Variants in FNDC7 observed in about 807,000 individuals in gnomAD.
FNDC7 encodes fibronectin type III domain-containing protein 7.
A neutral mutation model predicts 74.2 loss-of-function variants in FNDC7; 66 were observed. The ratio of observed to expected loss-of-function variants is 0.89; its 90% CI spans 0.73 to 1.09. The LOEUF is 1.09. FNDC7 is among the 50% of genes least tolerant of loss of function. The pLI, the probability that FNDC7 is intolerant of heterozygous loss-of-function variation, is 0.00. For missense variants in FNDC7, 829 were observed against 893.4 expected, an observed-to-expected ratio of 0.93 and a Z score of 0.92; for synonymous variants, 307 against 330.2, an observed-to-expected ratio of 0.93 and a Z score of 0.76.
At chr1:108,719,929 T>C (rs532457616) in intron 4 of FNDC7, among the ~76,000 whole-genome samples, 87 of 152,316 alleles carry the variant, frequency 5.7e-4, no homozygotes, top group African/African-American at 1.9e-3. Flanking sequence ...AGAAATGTTC[T>C]CTCCAACTTT....
At chr1:108,729,593 T>A (rs1661299355) in intron 8 of FNDC7, among the ~76,000 whole-genome samples, 1 of 150,196 alleles carries the variant, frequency 6.7e-6, no homozygotes, top group Non-Finnish European at 1.5e-5. Flanking sequence ...TCCTGATAGG[T>A]AAAAGGGAGA....
At chr1:108,728,186 G>C (rs1661262337) in intron 7 of FNDC7, 121 bp downstream of exon 7, 1 of 1,196,534 alleles carries the variant, frequency 8.4e-7, no homozygotes, top group Admixed American at 2.1e-5. Flanking sequence ...AATCTTTGTG[G>C]AGACCAAGAG....
rs1661036884 is a variant in FNDC7 at position 108,719,000 on chromosome 1, G to T, written c.549G>T (p.Trp183Cys). Residue 183 changes from tryptophan to cysteine, a missense_variant, in exon 4 of 13, where the codon TGG (tryptophan) becomes TGT (cysteine). Coordinates refer to ENST00000370017, the MANE Select transcript of FNDC7 (RefSeq NM_001144937.3). ...GTLYTIKAYA[W>C]NANRIPGDDS... ...TCTACACCATAAAGGCCTATGCATG[G>T]AATGCCAACAGAATCCCTGGGGATG... 6.4e-7 allele frequency: 1 copy of T among 1,552,168 alleles called. No homozygotes were observed. The highest frequency in any genetic ancestry group is 8.7e-7 in the Non-Finnish European group (1 of 1,147,110).
chr1:108,728,147 A>C, intron 7 of FNDC7, 82 bp downstream of exon 7: 1 of 1,503,346 alleles, frequency 6.7e-7, no homozygotes, highest in Non-Finnish European at 9.1e-7. Flanking sequence ...ATTCAGTGAG[A>C]CCAATAAAAA....
rs368779561 is a variant in FNDC7, at chr1:108,713,595, C to T, written c.82+66C>T. ...GATTTTAATTTCCATTGTTAATTCA[C>T]GGGCTACCCTGAAATCTAAAGGCTA... is the stretch of plus-strand genomic sequence containing the variant. On this transcript the variant is annotated intron_variant, in intron 2 of 12. Coordinates refer to ENST00000370017, the MANE Select transcript of FNDC7 (RefSeq NM_001144937.3). 68 of 1,374,530 alleles carry T rather than the reference C, an allele frequency of 4.9e-5. 1 individual carries two copies. Among genetic ancestry groups the T allele is most frequent in the South Asian group, 2.5e-4 (19 of 75,488 alleles). The allele number at this position is 1,374,530 out of a possible 1,614,324, so 85.1% of individuals were successfully genotyped here. A position where few individuals can be genotyped will look rare whatever the true frequency, so the allele number is the denominator to read the frequency against.
chr1:108,727,671 C>A, intron 6 of FNDC7, 137 bp from the exon 7 acceptor site: 2 of 1,032,618 alleles, frequency 1.9e-6, no homozygotes, highest in Non-Finnish European at 2.9e-6. Context: ...TGGACCTTGA[C>A]AGACCCATAG....
In FNDC7 at chr1:108,727,705, GGGCAGT is replaced by G; in HGVS notation, c.1112-97_1112-92del. On this transcript the variant is annotated intron_variant, in intron 6 of 12. Coordinates refer to ENST00000370017, the MANE Select transcript of FNDC7 (RefSeq NM_001144937.3). ...AGGGAGTCACTGTAGTCATCAGGGA[GGGCAGT>G]GGCAGAGGCTCTGGGCATGGGAGGT... is the stretch of plus-strand genomic sequence containing the variant. 13 of 1,388,166 alleles carry G rather than the reference GGGCAGT, an allele frequency of 9.4e-6. No individual in the cohort carries two copies. In the South Asian group the frequency reaches 1.7e-4, roughly 18 times the overall value. 86.0% of individuals were successfully genotyped at this position (1,388,166 alleles called of 1,614,324 possible).
At position 108,730,681 on chromosome 1, in the gene FNDC7, C is replaced by A; in HGVS notation, c.1632C>A (p.Cys544Ter). 6.4e-7 allele frequency: 1 copy of A among 1,551,608 alleles called. No individual in the cohort carries two copies. The highest frequency in any genetic ancestry group is 8.7e-7 in the Non-Finnish European group (1 of 1,145,616). Reference protein sequence around the residue: ...SYSVPLETVPCCPTGLTVTQI... With the variant: ...SYSVPLETVP ...TCTTTTATCCCATTTAAGTGCCATG[C>A]TGTCCAACCGGTCTGACAGTAACTC... Residue 544 changes from cysteine to a stop codon, truncating the protein, a stop_gained, in exon 9 of 13, where the codon TGC (cysteine) becomes TGA (stop). Transcript: ENST00000370017. LOFTEE classifies it high-confidence loss of function.
chr1:108,736,963 CTTT>C (rs1173562405), intron 10 of FNDC7, among the ~76,000 whole-genome samples: 1 of 99,406 alleles, frequency 1.0e-5, no homozygotes, highest in Non-Finnish European at 1.9e-5. Flanking sequence ...GCTTGGCATT[CTTT>C]TTTTTTTTTT....
chr1:108,730,521 A>T (rs1235903589), intron 8 of FNDC7, among the ~76,000 whole-genome samples, 153 bp from the exon 9 acceptor site: 1 of 152,222 alleles, frequency 6.6e-6, no homozygotes, highest in African/African-American at 2.4e-5. Flanking sequence ...CATCAGAGGG[A>T]ATGAACAAAA....
Position 108,722,433 on chromosome 1 carries a change from G to A in FNDC7, c.697G>A (p.Val233Met). ...GGCAGAAGGAGCTTTCAATTATACT[G>A]TGATGGCTTTGAGCGACTCTTCAGA... ...ARAEGAFNYT[V>M]MALSDSSELT... The change falls in exon 5 of 13, where the codon GTG (valine) becomes ATG (methionine). Residue 233 changes from valine (V) to methionine (M), a missense_variant. Physicochemically the swap from Val to Met is conservative, Grantham distance 21 (BLOSUM62 1). Transcript: ENST00000370017. 1 of 1,614,246 alleles carries A rather than the reference G, an allele frequency of 6.2e-7. No individual in the cohort carries two copies. The highest frequency in any genetic ancestry group is 8.5e-7 in the Non-Finnish European group (1 of 1,180,034).
intron 4 of FNDC7, among the ~76,000 whole-genome samples, chr1:108,721,661 C>T (rs531811433): frequency 6.6e-6 from 1 of 152,164 alleles, no homozygotes; most frequent in Non-Finnish European, 1.5e-5. Flanking sequence ...TTTTTTAATG[C>T]GGTAACTCTT....
At position 108,727,955 on chromosome 1, in the gene FNDC7, C is replaced by T. The variant is rs143602903; in HGVS notation, c.1259C>T (p.Ala420Val). ...NMVECNDTTP[A>V]CTLSALECDT... Reference sequence around the variant, plus strand: ...GTTGAGTGCAATGACACTACTCCTGCGTGCACCCTTTCGGCTCTAGAGTGT... The same window carrying T: ...GTTGAGTGCAATGACACTACTCCTGTGTGCACCCTTTCGGCTCTAGAGTGT... The change falls in exon 7 of 13, where the codon GCG becomes GTG. Residue 420 changes from alanine (A) to valine (V), a missense_variant. Coordinates refer to ENST00000370017, the MANE Select transcript of FNDC7 (RefSeq NM_001144937.3). The T allele has an allele frequency of 2.9e-5, 47 of 1,614,032 alleles. No individual in the cohort carries two copies. The highest frequency in any genetic ancestry group is 2.0e-4 in the Admixed American group (12 of 60,010).
At chr1:108,717,678 A>G in intron 2 of FNDC7, 99 bp from the exon 3 acceptor site, 1 of 1,280,742 alleles carries the variant, frequency 7.8e-7, no homozygotes, top group Non-Finnish European at 1.1e-6. Flanking sequence ...TTCTGTCTGA[A>G]GGAAGGCATG....
intron 11 of FNDC7, among the ~76,000 whole-genome samples, chr1:108,738,046 G>A (rs891630507): frequency 6.6e-6 from 1 of 152,190 alleles, no homozygotes; most frequent in South Asian, 2.1e-4. Context: ...CTGGGGCCTC[G>A]TTAAAGCCAG....
intron 11 of FNDC7, among the ~76,000 whole-genome samples, chr1:108,741,333 C>T (rs1033434876): frequency 6.6e-6 from 1 of 152,260 alleles, no homozygotes; most frequent in South Asian, 2.1e-4. Context: ...TAGGACCCAA[C>T]ATGTTTCAGT....
At position 108,718,954 on chromosome 1, in the gene FNDC7, C is replaced by G; in HGVS notation, c.503C>G (p.Thr168Ser). ...ACTACAAACACCTCCTTGACATTCA[C>G]CAGTTTAGAAGCCGGAACTCTCTAC... Reference protein sequence around the residue: ...ENTTNTSLTFTSLEAGTLYTI... With the variant: ...ENTTNTSLTFSSLEAGTLYTI... Residue 168 changes from threonine to serine, a missense_variant, in exon 4 of 13, where the codon ACC becomes AGC. Transcript: ENST00000370017. 1 of 1,551,798 alleles carries G rather than the reference C, an allele frequency of 6.4e-7. No individual in the cohort carries two copies. Among genetic ancestry groups the G allele is most frequent in the Non-Finnish European group, 8.7e-7 (1 of 1,147,012 alleles).
chr1:108,713,422 T>C (rs747559569), intron 1 of FNDC7, 89 bp from the exon 2 acceptor site: 7 of 1,101,654 alleles, frequency 6.4e-6, no homozygotes, highest in Non-Finnish European at 1.3e-6. Context: ...AATGTTGTGA[T>C]TAATTTATTA....
At chr1:108,719,303 T>G (rs72980755) in intron 4 of FNDC7, among the ~76,000 whole-genome samples, 22,403 of 152,262 alleles carry the variant, frequency 0.15, 1,706 homozygotes, top group Middle Eastern at 0.17. Context: ...CAACTCAATT[T>G]CAGCATTCAC....
Sources: allele counts gnomAD v4.1 joint callset (sites outside exome capture counted in the v4.1 genomes callset), GRCh38; gene constraint gnomAD v4.1.1; transcripts MANE v1.5; gene names NCBI Gene and HGNC (gene_info 2026-07-23, HGNC 2026-07-21).